Variants in PTPRT observed in about 807,000 individuals in gnomAD.
PTPRT encodes the protein protein tyrosine phosphatase receptor type T, also known as receptor-type tyrosine-protein phosphatase T.
In PTPRT, 56 loss-of-function variants were observed where a neutral mutation model predicts 176.8. That is an observed-to-expected ratio of 0.32 (90% CI 0.26 to 0.40). The LOEUF (loss-of-function observed/expected upper bound fraction) is 0.40. Among genes scored for constraint, PTPRT ranks in the 10% least tolerant of loss-of-function variants. The pLI, the probability that PTPRT is intolerant of heterozygous loss-of-function variation, is 1.00. For synonymous variants in PTPRT, 783 were observed against 739.0 expected (o/e 1.06, Z -0.96); for missense variants, 1,540 against 1,908.2 (o/e 0.81, Z 3.60).
chr20:42,589,138 C>G (rs1056862158), intron 7 of PTPRT, among the ~76,000 whole-genome samples: 1 of 152,158 alleles, frequency 6.6e-6, no homozygotes, highest in Non-Finnish European at 1.5e-5. Context: ...TGGGCAGCAG[C>G]GAACCCCACT....
At chr20:42,667,161 C>T (rs1214893615) in intron 7 of PTPRT, among the ~76,000 whole-genome samples, 1 of 152,150 alleles carries the variant, frequency 6.6e-6, no homozygotes, top group African/African-American at 2.4e-5. Context: ...CTGGAAAACA[C>T]CCAACTGGGC....
intron 1 of PTPRT, among the ~76,000 whole-genome samples, chr20:43,111,247 A>G (rs963032282): frequency 2.6e-5 from 4 of 152,104 alleles, no homozygotes; most frequent in Non-Finnish European, 5.9e-5. Flanking sequence ...CTCCTCAAGA[A>G]TGGTCACATA....
At chr20:43,157,407 C>T (rs1450153827) in intron 1 of PTPRT, among the ~76,000 whole-genome samples, 1 of 152,070 alleles carries the variant, frequency 6.6e-6, no homozygotes, top group Admixed American at 6.5e-5. Context: ...GGATTTACAT[C>T]TTACTGGGGA....
At position 43,156,473 on chromosome 20, in the gene PTPRT, A is replaced by G. The variant is rs566169263; in HGVS notation, c.88+33173T>C. 3.9e-5 allele frequency among the ~76,000 whole-genome samples: 6 copies of G among 152,352 alleles called. No individual in the cohort carries two copies. The South Asian group carries it at 1.2e-3, about 32-fold the overall frequency. On this transcript the variant is annotated intron_variant, in intron 1 of 30. Coordinates refer to ENST00000373187, the MANE Select transcript of PTPRT (RefSeq NM_007050.6). ...AGATGGACAGATGCCTGGATGGCAC[A>G]GAGACAGACAGACTCAGGGGATGAC...
intron 1 of PTPRT, among the ~76,000 whole-genome samples, chr20:43,165,690 GT>G (rs1568822358): frequency 6.6e-6 from 1 of 152,236 alleles, no homozygotes; most frequent in Non-Finnish European, 1.5e-5. Context: ...AGAAGCAACA[GT>G]TTCGGCTTGG....
the PTPRT span, among the ~76,000 whole-genome samples, chr20:42,053,556 G>A: frequency 2.6e-5 from 4 of 152,142 alleles, no homozygotes; most frequent in East Asian, 7.7e-4. Context: ...AGGAGATGCT[G>A]GCCACTGCAC....
At chr20:42,494,846 C>A in intron 7 of PTPRT, among the ~76,000 whole-genome samples, 1 of 152,144 alleles carries the variant, frequency 6.6e-6, no homozygotes, top group East Asian at 1.9e-4. Flanking sequence ...CCTCTATCCC[C>A]AATCTTCTGT....
the PTPRT span, among the ~76,000 whole-genome samples, chr20:42,034,900 C>T: frequency 6.6e-6 from 1 of 152,178 alleles, no homozygotes; most frequent in Admixed American, 6.5e-5. Flanking sequence ...TGAGGCTTAA[C>T]AGTGAACATT....
Position 42,885,807 on chromosome 20 carries a change from C to T in PTPRT, c.214G>A (p.Gly72Arg). The T allele has an allele frequency of 6.2e-7, 1 of 1,604,152 alleles. No homozygotes were observed. The highest frequency in any genetic ancestry group is 8.5e-7 in the Non-Finnish European group (1 of 1,173,660). Residue 72 changes from glycine to arginine, a missense_variant and splice_region_variant, in exon 2 of 31, where the codon GGA becomes AGA. Transcript: ENST00000373187. ...GCCCCAAACATGATGGATCACATAC[C>T]TGTGGGCACTGCCTGGTCCAGCATT... ...KPMLDQAVPTGSFMMVNSSGR... is the reference protein window; with the variant it reads ...KPMLDQAVPTRSFMMVNSSGR...
At chr20:42,116,262 C>T (rs10153998) in intron 21 of PTPRT, among the ~76,000 whole-genome samples, 275 of 152,284 alleles carry the variant, frequency 1.8e-3, no homozygotes, top group African/African-American at 6.4e-3. Context: ...TTGTGTTTTG[C>T]GACTCTCCAA....
chr20:42,866,326 A>C (rs1443336026), intron 2 of PTPRT, among the ~76,000 whole-genome samples: 2 of 152,204 alleles, frequency 1.3e-5, no homozygotes, highest in Non-Finnish European at 1.5e-5. Context: ...AATGGAACCC[A>C]CGTGGCTTGG....
At position 42,989,787 on chromosome 20, in the gene PTPRT, G is replaced by C. The variant is rs986553042; in HGVS notation, c.89-103855C>G. 4.6e-5 allele frequency among the ~76,000 whole-genome samples: 7 copies of C among 152,300 alleles called. No individual in the cohort carries two copies. In the East Asian group the frequency reaches 5.8e-4, roughly 13 times the overall value. On this transcript the variant is annotated intron_variant, in intron 1 of 30. Transcript: ENST00000373187. ...CTTACTTAAGTATGATTTCAACTGG[G>C]AAAATTGATGATTATAAGCTGGAAT...
At chr20:42,631,795 G>A (rs2074412659) in intron 7 of PTPRT, among the ~76,000 whole-genome samples, 1 of 152,196 alleles carries the variant, frequency 6.6e-6, no homozygotes, top group Non-Finnish European at 1.5e-5. Context: ...GCAAGCTTGT[G>A]CAAGGTTAAC....
intron 1 of PTPRT, among the ~76,000 whole-genome samples, chr20:42,961,649 G>A (rs545050856): frequency 1.3e-5 from 2 of 152,286 alleles, no homozygotes; most frequent in South Asian, 2.1e-4. Context: ...GAGCATGTGG[G>A]AGGGGGCCCC....
chr20:42,379,916 C>T (rs545557287), intron 9 of PTPRT, among the ~76,000 whole-genome samples: 109 of 152,242 alleles, frequency 7.2e-4, no homozygotes, highest in Non-Finnish European at 1.3e-3. Context: ...TTCTCATGGG[C>T]TTTCAAAAGG....
intron 9 of PTPRT, among the ~76,000 whole-genome samples, chr20:42,430,790 T>A (rs935523947): frequency 6.6e-6 from 1 of 152,188 alleles, no homozygotes; most frequent in Non-Finnish European, 1.5e-5. Flanking sequence ...CCAACATGCA[T>A]GATACGCTTT....
intron 7 of PTPRT, among the ~76,000 whole-genome samples, chr20:42,515,818 G>A (rs537911562): frequency 1.7e-3 from 262 of 150,986 alleles, no homozygotes; most frequent in African/African-American, 2.2e-3. Context: ...TGTTTATTGC[G>A]GCATTATTCA....
chr20:42,916,744 T>C (rs1978786751), intron 1 of PTPRT, among the ~76,000 whole-genome samples: 1 of 152,252 alleles, frequency 6.6e-6, no homozygotes, highest in Admixed American at 6.5e-5. Flanking sequence ...CATGTTTTTT[T>C]TGATTGCATA....
chr20:42,941,703 G>A (rs556534508), intron 1 of PTPRT, among the ~76,000 whole-genome samples: 1 of 152,198 alleles, frequency 6.6e-6, no homozygotes, highest in African/African-American at 2.4e-5. Flanking sequence ...ACAGCAGAAA[G>A]AGAGAGATGG....
Sources: allele counts gnomAD v4.1 joint callset (sites outside exome capture counted in the v4.1 genomes callset), GRCh38; gene constraint gnomAD v4.1.1; transcripts MANE v1.5; gene names NCBI Gene and HGNC (gene_info 2026-07-23, HGNC 2026-07-21).